FBXL2: variants seen among roughly 807,000 people sequenced by gnomAD.
FBXL2 encodes the protein F-box/LRR-repeat protein 2.
In FBXL2, 38 loss-of-function variants were observed where a neutral mutation model predicts 69.2. The observed-to-expected ratio is 0.55, with a 90% CI of 0.42 to 0.72. The LOEUF is 0.72. Ranked by LOEUF, FBXL2 falls within the 30% of genes least tolerant of loss-of-function variation. FBXL2 has a pLI of 0.00. For synonymous variants in FBXL2, 192 were observed against 201.3 expected, an observed-to-expected ratio of 0.95 and a Z score of 0.39; for missense variants, 354 against 520.3, an observed-to-expected ratio of 0.68 and a Z score of 3.11.
downstream of FBXL2, chr3:33,388,138 TTAG>T (rs1014460677): frequency 4.0e-4 from 60 of 151,082 alleles, no homozygotes; most frequent in African/African-American, 1.4e-3. Context: ...AGTTAGTTAG[TTAG>T]TTAGTTAGTT....
chr3:33,304,987 G>A (rs947756079), intron 2 of FBXL2, among the ~76,000 whole-genome samples: 1 of 151,752 alleles, frequency 6.6e-6, no homozygotes, highest in Non-Finnish European at 1.5e-5. Context: ...TTTGGTTATC[G>A]GCTTATTGAT....
the FBXL2 span, chr3:33,408,880 C>G: frequency 5.7e-6 from 7 of 1,221,280 alleles, no homozygotes; most frequent in African/African-American, 3.0e-5. Context: ...TCTCTTCAGT[C>G]CAATTAAACA....
chr3:33,285,351 A>G (rs1047414836), intron 1 of FBXL2, among the ~76,000 whole-genome samples: 12 of 152,092 alleles, frequency 7.9e-5, no homozygotes, highest in African/African-American at 2.9e-4. Context: ...TTTTCTTTAA[A>G]AATGTTGAAT....
At chr3:33,323,935 C>T (rs796423036) in intron 2 of FBXL2, among the ~76,000 whole-genome samples, 6 of 152,250 alleles carry the variant, frequency 3.9e-5, no homozygotes, top group East Asian at 1.9e-4. Flanking sequence ...AGTGTAAGAG[C>T]GTTCCTATTT....
chr3:33,419,222 G>C, the FBXL2 span, among the ~76,000 whole-genome samples: 2 of 152,008 alleles, frequency 1.3e-5, no homozygotes, highest in African/African-American at 4.8e-5. Flanking sequence ...TGGCCAAGTG[G>C]AGTGGCTCAC....
At chr3:33,367,780 T>G (rs2042048330) in intron 5 of FBXL2, among the ~76,000 whole-genome samples, 1 of 152,170 alleles carries the variant, frequency 6.6e-6, no homozygotes, top group Non-Finnish European at 1.5e-5. Context: ...TTTTTGTTTT[T>G]TCTCTAGTTT....
intron 1 of FBXL2, among the ~76,000 whole-genome samples, chr3:33,292,970 A>G (rs957056561): frequency 2.6e-5 from 4 of 152,238 alleles, no homozygotes; most frequent in African/African-American, 9.6e-5. Flanking sequence ...GCACCAAACA[A>G]CAGAGCCACA....
chr3:33,385,395 T>G, intron 14 of FBXL2, 106 bp from the exon 15 acceptor site: 1 of 1,014,866 alleles, frequency 9.9e-7, no homozygotes, highest in Non-Finnish European at 1.6e-6. Flanking sequence ...CTACTTCAAC[T>G]AAGGTGAAGA....
exon 13 of FBXL2, chr3:33,403,456 T>TA (rs1274935628): frequency 6.0e-6 from 1 of 166,382 alleles, no homozygotes; most frequent in Non-Finnish European, 1.3e-5. Context: ...AGCATCAAAA[T>TA]ACATCAACTG....
At chr3:33,385,475 C>A in intron 14 of FBXL2, 26 bp from the exon 15 acceptor site, 1 of 1,579,108 alleles carries the variant, frequency 6.3e-7, no homozygotes, top group Non-Finnish European at 8.7e-7. Context: ...TGTGTAAAGA[C>A]TCCACTTTTT....
downstream of FBXL2, chr3:33,388,515 C>T (rs574982392): frequency 1.1e-4 from 17 of 152,688 alleles, no homozygotes; most frequent in South Asian, 2.1e-4. Flanking sequence ...ATTTTTACCC[C>T]GCTTCTAAAA....
At chr3:33,393,570 A>G (rs1285013433) in intron 12 of FBXL2, 6 of 930,984 alleles carry the variant, frequency 6.4e-6, no homozygotes, top group Non-Finnish European at 8.9e-6. Context: ...AAAAAGTAAA[A>G]AAACATTTTA....
At chr3:33,352,528 TGAGA>T (rs2040895666) in intron 2 of FBXL2, among the ~76,000 whole-genome samples, 1 of 152,174 alleles carries the variant, frequency 6.6e-6, no homozygotes, top group African/African-American at 2.4e-5. Flanking sequence ...AACCACAGAC[TGAGA>T]GAAAATATTT....
At chr3:33,312,056 C>A (rs1206125099) in intron 2 of FBXL2, among the ~76,000 whole-genome samples, 1 of 151,992 alleles carries the variant, frequency 6.6e-6, no homozygotes, top group East Asian at 1.9e-4. Flanking sequence ...ATTTTTTATT[C>A]TTTTTTTATT....
At chr3:33,343,499 T>G (rs1219594153) in intron 2 of FBXL2, among the ~76,000 whole-genome samples, 2 of 152,088 alleles carry the variant, frequency 1.3e-5, no homozygotes, top group Non-Finnish European at 2.9e-5. Flanking sequence ...AAAAATTATG[T>G]AAAAACCTTA....
rs143741027 is a variant in FBXL2, at chr3:33,296,418, G to T, written c.4-1246G>T. ...TTATCAATTTTTTTTGGATGTTTAT[G>T]CTTTCAGTGTCATATCTAAGAAACC... On this transcript the variant is annotated intron_variant, in intron 1 of 14. Coordinates refer to ENST00000484457, the MANE Select transcript of FBXL2 (RefSeq NM_012157.5). 2.8e-3 allele frequency among the ~76,000 whole-genome samples: 424 copies of T among 152,184 alleles called. 3 individuals carry two copies. Among genetic ancestry groups the T allele is most frequent in the Non-Finnish European group, 2.1e-3 (145 of 67,994 alleles).
intron 5 of FBXL2, among the ~76,000 whole-genome samples, chr3:33,370,772 C>A (rs1340677419): frequency 6.6e-6 from 1 of 152,004 alleles, no homozygotes; most frequent in Non-Finnish European, 1.5e-5. Context: ...CACACTACCA[C>A]GCATGGCTAA....
chr3:33,314,049 A>C (rs2037450617), intron 2 of FBXL2, among the ~76,000 whole-genome samples: 1 of 151,592 alleles, frequency 6.6e-6, no homozygotes, highest in African/African-American at 2.4e-5. Flanking sequence ...TTATTCCTTT[A>C]TGTCTCTATA....
At chr3:33,399,321 C>A (rs1446653408) in intron 12 of FBXL2, among the ~76,000 whole-genome samples, 5 of 152,222 alleles carry the variant, frequency 3.3e-5, no homozygotes, top group Admixed American at 2.0e-4. Flanking sequence ...TCCCTCTAAA[C>A]AGGTTTCCTA....
Sources: allele counts gnomAD v4.1 joint callset (sites outside exome capture counted in the v4.1 genomes callset), GRCh38; gene constraint gnomAD v4.1.1; transcripts MANE v1.5; gene names NCBI Gene and HGNC (gene_info 2026-07-23, HGNC 2026-07-21).